Variants in SCHIP1 observed in about 807,000 individuals in gnomAD.
SCHIP1 encodes schwannomin interacting protein 1.
SCHIP1 carries 8 observed loss-of-function variants against 29.7 expected under a neutral mutation model. The ratio of observed to expected loss-of-function variants is 0.27; its 90% CI spans 0.16 to 0.49. The LOEUF is 0.49. SCHIP1 is among the 20% of genes least tolerant of loss of function. The pLI is 0.99. For synonymous variants in SCHIP1, 76 were observed against 94.9 expected, an observed-to-expected ratio of 0.80 and a Z score of 1.16; for missense variants, 193 against 294.6, an observed-to-expected ratio of 0.66 and a Z score of 2.52.
chr3:159,327,260 C>A, the SCHIP1 span, among the ~76,000 whole-genome samples: 1 of 152,268 alleles, frequency 6.6e-6, no homozygotes, highest in East Asian at 1.9e-4. Context: ...GTCCCATCCT[C>A]CTCTTCCTCG....
At chr3:159,376,078 T>C in the SCHIP1 span, among the ~76,000 whole-genome samples, 9 of 152,230 alleles carry the variant, frequency 5.9e-5, no homozygotes, top group East Asian at 1.7e-3. Context: ...TGTTGTGTGG[T>C]ATATGAAATA....
chr3:159,517,268 A>C, the SCHIP1 span, among the ~76,000 whole-genome samples: 1 of 152,190 alleles, frequency 6.6e-6, no homozygotes, highest in Non-Finnish European at 1.5e-5. Context: ...TGTCAGACAA[A>C]AGTTTGGTAA....
the SCHIP1 span, among the ~76,000 whole-genome samples, chr3:159,450,741 C>T: frequency 6.6e-6 from 1 of 151,806 alleles, no homozygotes; most frequent in Non-Finnish European, 1.5e-5. Context: ...ATTTTGAAGC[C>T]TTTACATGAA....
intron 1 of SCHIP1, among the ~76,000 whole-genome samples, chr3:159,841,935 C>G (rs1222879608): frequency 6.6e-6 from 1 of 152,130 alleles, no homozygotes; most frequent in African/African-American, 2.4e-5. Flanking sequence ...AGTGCTCTCT[C>G]TTTATACATA....
chr3:159,699,938 G>C, the SCHIP1 span, among the ~76,000 whole-genome samples: 2 of 152,208 alleles, frequency 1.3e-5, no homozygotes, highest in Non-Finnish European at 2.9e-5. Context: ...ACTAGGAAGA[G>C]ATCTCATGTG....
the SCHIP1 span, among the ~76,000 whole-genome samples, chr3:159,715,756 A>G: frequency 1.3e-5 from 2 of 152,374 alleles, no homozygotes; most frequent in South Asian, 2.1e-4. Flanking sequence ...CTATGTGAAA[A>G]GACCAAATCT....
chr3:159,585,332 T>C, the SCHIP1 span, among the ~76,000 whole-genome samples: 4 of 152,102 alleles, frequency 2.6e-5, no homozygotes, highest in African/African-American at 9.7e-5. Context: ...TCCATGACCT[T>C]AAAAGGGATA....
chr3:159,634,227 G>A, the SCHIP1 span, among the ~76,000 whole-genome samples: 1 of 152,092 alleles, frequency 6.6e-6, no homozygotes, highest in Non-Finnish European at 1.5e-5. Context: ...TATTTTAAAA[G>A]AAAAAGTCAT....
chr3:159,763,139 C>T, the SCHIP1 span, among the ~76,000 whole-genome samples: 1 of 152,168 alleles, frequency 6.6e-6, no homozygotes. Flanking sequence ...CACCCACAGC[C>T]TGAACTTGGA....
chr3:159,474,838 C>G, the SCHIP1 span, among the ~76,000 whole-genome samples: 1 of 152,142 alleles, frequency 6.6e-6, no homozygotes, highest in Non-Finnish European at 1.5e-5. Context: ...TGTCCTGTAT[C>G]CATCCTTGGA....
chr3:159,274,915 TAA>T, the SCHIP1 span: 498 of 888,766 alleles, frequency 5.6e-4, 4 homozygotes, highest in South Asian at 0.011. Context: ...AAACCAGTAG[TAA>T]ATGCAATTTA....
At chr3:159,545,427 A>C in the SCHIP1 span, among the ~76,000 whole-genome samples, 1 of 151,898 alleles carries the variant, frequency 6.6e-6, no homozygotes, top group Admixed American at 6.6e-5. Context: ...ATCTTTCTCT[A>C]GTGCTGGATG....
chr3:159,531,111 G>A, the SCHIP1 span, among the ~76,000 whole-genome samples: 1 of 152,342 alleles, frequency 6.6e-6, no homozygotes, highest in Admixed American at 6.5e-5. Context: ...TATGATAATG[G>A]AGGTTGGATA....
chr3:159,747,053 T>A, the SCHIP1 span, among the ~76,000 whole-genome samples: 1 of 152,220 alleles, frequency 6.6e-6, no homozygotes, highest in Non-Finnish European at 1.5e-5. Context: ...TTATGGGCCA[T>A]GAACTCTTTG....
the SCHIP1 span, among the ~76,000 whole-genome samples, chr3:159,747,052 A>G: frequency 1.6e-4 from 25 of 152,336 alleles, no homozygotes; most frequent in African/African-American, 5.1e-4. Flanking sequence ...TTTATGGGCC[A>G]TGAACTCTTT....
chr3:159,655,723 A>G, the SCHIP1 span, among the ~76,000 whole-genome samples: 1 of 152,092 alleles, frequency 6.6e-6, no homozygotes, highest in Non-Finnish European at 1.5e-5. Context: ...CCACATCTCT[A>G]CTAAATATAC....
At chr3:159,275,071 G>A in the SCHIP1 span, 1,069 of 975,446 alleles carry the variant, frequency 1.1e-3, no homozygotes, top group Middle Eastern at 1.6e-3. Context: ...AGTGTATGAA[G>A]TGCATAATTT....
chr3:159,823,344 A>T, the SCHIP1 span, among the ~76,000 whole-genome samples: 1 of 152,128 alleles, frequency 6.6e-6, no homozygotes, highest in Non-Finnish European at 1.5e-5. Flanking sequence ...CCTCCTCGAA[A>T]ATTACAGAAT....
chr3:159,711,405 A>T, the SCHIP1 span, among the ~76,000 whole-genome samples: 11 of 138,418 alleles, frequency 7.9e-5, no homozygotes, highest in East Asian at 3.9e-4. Context: ...AAAGAAATTT[A>T]AAAAAAAAAT....
Sources: allele counts gnomAD v4.1 joint callset (sites outside exome capture counted in the v4.1 genomes callset), GRCh38; gene constraint gnomAD v4.1.1; transcripts MANE v1.5; gene names NCBI Gene and HGNC (gene_info 2026-07-23, HGNC 2026-07-21).